Variants in NCAPD2 observed in about 807,000 individuals in gnomAD.
The protein encoded by NCAPD2 is non-SMC condensin I complex subunit D2.
In NCAPD2, 100 loss-of-function variants were observed where a neutral mutation model predicts 164.5. The ratio of observed to expected loss-of-function variants is 0.61; its 90% CI spans 0.52 to 0.72. The LOEUF (loss-of-function observed/expected upper bound fraction) is 0.72, where lower values mean the gene tolerates loss of function less well. Among genes scored for constraint, NCAPD2 ranks in the 30% least tolerant of loss-of-function variants. NCAPD2 has a pLI of 0.00. For missense variants in NCAPD2, 1,560 were observed against 1,749.2 expected, an observed-to-expected ratio of 0.89 and a Z score of 1.93; for synonymous variants, 585 against 642.6, an observed-to-expected ratio of 0.91 and a Z score of 1.36.
rs373121243 is a variant in NCAPD2, at chr12:6,526,024, T to G, written c.2349-44T>G. On this transcript the variant is annotated intron_variant, in intron 18 of 31. Coordinates refer to ENST00000315579, the MANE Select transcript of NCAPD2 (RefSeq NM_014865.4). ...TATTGGCCCTTTCTCCCCCGATGAG[T>G]CCAATCCATGACTGCCTTTAACTCT... The G allele has an allele frequency of 3.1e-6, 5 of 1,606,212 alleles. No individual in the cohort carries two copies. In the African/African-American group the frequency reaches 6.7e-5, roughly 21 times the overall value.
intron 2 of NCAPD2, among the ~76,000 whole-genome samples, chr12:6,503,077 C>G (rs137905829): frequency 0.026 from 3,699 of 141,402 alleles, 159 homozygotes; most frequent in African/African-American, 0.09. Context: ...AGGCTGGTCT[C>G]GAACTCCTGA....
Position 6,528,826 on chromosome 12 carries a change from C to A in NCAPD2, c.3447C>A (p.Ala1149=), listed in dbSNP as rs1462430178. 1.2e-6 allele frequency: 2 copies of A among 1,613,868 alleles called. No homozygotes were observed. The highest frequency in any genetic ancestry group is 4.5e-5 in the East Asian group (2 of 44,846). The change falls in exon 26 of 32, where the codon GCC becomes GCA. Residue 1149 remains alanine (A), a synonymous_variant. Coordinates refer to ENST00000315579, the MANE Select transcript of NCAPD2 (RefSeq NM_014865.4). The surrounding 1 kb of genome is among the most constrained non-coding windows in gnomAD (Gnocchi z 5.1). ...IDPEPQIAAL[A]KNFFNELSHK... ...CCGAGCCTCAGATTGCTGCCCTGGCCAAGAACTTCTTCAATGAGCTCTCCC... is the reference window on the plus strand; with the variant it reads ...CCGAGCCTCAGATTGCTGCCCTGGCAAAGAACTTCTTCAATGAGCTCTCCC...
chr12:6,528,740 C>G lies in NCAPD2; in HGVS notation c.3361C>G (p.Leu1121Val), dbSNP rs1946341639. Residue 1121 changes from leucine (L) to valine (V), a missense_variant, in exon 26 of 32, where the codon CTC becomes GTC. Leu to Val is a conservative substitution (Grantham distance 32). Coordinates refer to ENST00000315579, the MANE Select transcript of NCAPD2 (RefSeq NM_014865.4). This position sits in a 1 kb window ranked among gnomAD's most constrained non-coding sequence, Gnocchi z 5.1. ...GGGGCTGGTGATGACCCACCTGATC[C>G]TCAAGGACATGGTGAAGGTGAAGGG... is the stretch of plus-strand genomic sequence containing the variant. ...TAGLVMTHLI[L>V]KDMVKVKGQV... 8.1e-6 allele frequency: 13 copies of G among 1,614,130 alleles called. No homozygotes were observed. In the East Asian group the frequency reaches 2.9e-4, roughly 36 times the overall value.
intron 19 of NCAPD2, 29 bp from the exon 20 acceptor site, chr12:6,526,258 A>G (rs767572379): frequency 4.3e-6 from 7 of 1,614,066 alleles, no homozygotes; most frequent in Admixed American, 3.3e-5. Flanking sequence ...CACCCTGTAC[A>G]CACACCCACG....
chr12:6,509,677 C>T, intron 2 of NCAPD2, 40 bp from the exon 3 acceptor site: 1 of 1,570,948 alleles, frequency 6.4e-7, no homozygotes, highest in Non-Finnish European at 8.8e-7. Context: ...GAAAAGGTTT[C>T]TCTTCCCTCC....
At chr12:6,521,442 G>A (rs765480283) in intron 14 of NCAPD2, among the ~76,000 whole-genome samples, 1 of 152,226 alleles carries the variant, frequency 6.6e-6, no homozygotes, top group Non-Finnish European at 1.5e-5. Flanking sequence ...AACACTTTGG[G>A]AGGCCAAGGC....
chr12:6,531,479 C>T lies in NCAPD2; in HGVS notation c.*67C>T. The T allele has an allele frequency of 6.3e-7, 1 of 1,586,244 alleles. No homozygotes were observed. ...GTGACCTGGAATTCGAATTCTGTTT[C>T]CCTTGTAAAATATTTGTCTGTCTCT... On this transcript the variant is annotated 3_prime_UTR_variant, in exon 32 of 32. Transcript: ENST00000315579. This position sits in a 1 kb window ranked among gnomAD's most constrained non-coding sequence, Gnocchi z 4.1.
rs1315737288 is a variant in NCAPD2, at chr12:6,525,505, A to C, written c.2215-78A>C. The stretch of plus-strand genomic sequence containing the variant: ...TACTTTTGTCTACTTCAGGTTCGCA[A>C]TATCATCTTCAGAAAAGCAGACCAA... On this transcript the variant is annotated intron_variant, in intron 17 of 31. Coordinates refer to ENST00000315579, the MANE Select transcript of NCAPD2 (RefSeq NM_014865.4). The C allele has an allele frequency of 3.9e-6, 6 of 1,523,620 alleles. No homozygotes were observed. In the African/African-American group the frequency reaches 6.9e-5, roughly 18 times the overall value. The allele number at this position is 1,523,620 out of a possible 1,614,324, so 94.4% of individuals were successfully genotyped here.
At chr12:6,522,796 T>C (rs2137056701) in intron 15 of NCAPD2, 32 bp from the exon 16 acceptor site, 2 of 1,607,318 alleles carry the variant, frequency 1.2e-6, no homozygotes, top group South Asian at 1.1e-5. Flanking sequence ...TTTTGTGAAG[T>C]AGATAGGTGA....
intron 10 of NCAPD2, 144 bp downstream of exon 10, chr12:6,517,169 C>G: frequency 8.0e-7 from 1 of 1,252,802 alleles, no homozygotes; most frequent in Admixed American, 2.2e-5. Flanking sequence ...CTTCCTCTAC[C>G]AAGGACGAGG....
intron 13 of NCAPD2, 111 bp from the exon 14 acceptor site, chr12:6,520,875 C>G (rs1235514872): frequency 1.4e-5 from 20 of 1,446,902 alleles, no homozygotes; most frequent in Non-Finnish European, 1.8e-5. Context: ...GTTAAGTGCT[C>G]CTTTTCTCTG....
intron 6 of NCAPD2, 83 bp from the exon 7 acceptor site, chr12:6,514,182 A>T: frequency 1.9e-6 from 3 of 1,566,584 alleles, no homozygotes; most frequent in Middle Eastern, 1.8e-4. Flanking sequence ...TGGGAGCAGT[A>T]GGGATAGAAT....
chr12:6,499,352 C>G (rs531106827), intron 2 of NCAPD2, among the ~76,000 whole-genome samples: 45 of 152,146 alleles, frequency 3.0e-4, no homozygotes, highest in African/African-American at 1.1e-3. Context: ...GCTGGGACTA[C>G]AGGTAAGTGC....
chr12:6,519,642 T>C (rs752840187), intron 13 of NCAPD2, among the ~76,000 whole-genome samples: 10 of 152,160 alleles, frequency 6.6e-5, no homozygotes, highest in Non-Finnish European at 8.8e-5. Context: ...ATATGACTGA[T>C]AGAATTCTCT....
chr12:6,496,246 G>T (rs1945983255), intron 2 of NCAPD2, among the ~76,000 whole-genome samples: 1 of 151,666 alleles, frequency 6.6e-6, no homozygotes, highest in African/African-American at 2.4e-5. Context: ...TTTTAGTAGA[G>T]ACGGGATTTC....
intron 29 of NCAPD2, 114 bp from the exon 30 acceptor site, chr12:6,530,577 C>A: frequency 7.4e-7 from 1 of 1,358,760 alleles, no homozygotes; most frequent in Non-Finnish European, 1.0e-6. Context: ...GCCTTCTCAC[C>A]TTGGCTTCTT....
intron 2 of NCAPD2, among the ~76,000 whole-genome samples, chr12:6,504,419 G>A: frequency 6.6e-6 from 1 of 151,746 alleles, no homozygotes; most frequent in South Asian, 2.1e-4. Context: ...TTTTGACAGA[G>A]TCTTGCTCTG....
chr12:6,511,327 T>C (rs1946144364), intron 6 of NCAPD2, 75 bp downstream of exon 6: 3 of 1,532,888 alleles, frequency 2.0e-6, no homozygotes, highest in East Asian at 4.6e-5. Context: ...GCCGTTTTTT[T>C]GGTTTTGTTT....
rs747789607 is a variant in NCAPD2 at position 6,528,288 on chromosome 12, C to G, written c.3259C>G (p.Pro1087Ala). The G allele has an allele frequency of 6.2e-7, 1 of 1,613,794 alleles. No individual in the cohort carries two copies. Among genetic ancestry groups the G allele is most frequent in the Admixed American group, 1.7e-5 (1 of 60,028 alleles). ...CACTGGGGATCTGGCCATCCGCTTT[C>G]CCAATCTGGTGGACCCCTGGACTCC... ...VATGDLAIRF[P>A]NLVDPWTPHL... is the part of the protein sequence containing the mutation. Residue 1087 changes from proline to alanine, a missense_variant, in exon 25 of 32, where the codon CCC becomes GCC. Transcript: ENST00000315579. The surrounding 1 kb of genome is among the most constrained non-coding windows in gnomAD (Gnocchi z 5.1).
Sources: gnomAD v4.1 joint callset for allele counts (sites outside exome capture counted in the v4.1 genomes callset) on GRCh38, gnomAD v4.1.1 for gene constraint, Gnocchi (gnomAD v3.1) non-coding constraint, MANE v1.5 for transcripts, NCBI Gene and HGNC (gene_info 2026-07-23, HGNC 2026-07-21) for gene names.